DMD: variants seen among roughly 807,000 people sequenced by gnomAD.
The protein encoded by DMD is mutant dystrophin.
Under a neutral mutation model 330.1 loss-of-function variants are expected in DMD, and 63 were observed. The ratio of observed to expected loss-of-function variants is 0.19; its 90% CI spans 0.16 to 0.24. The LOEUF is 0.24. Ranked by LOEUF, DMD falls within the 10% of genes least tolerant of loss-of-function variation. The probability of loss-of-function intolerance (pLI) is 1.00; values close to 1 mark genes in which losing one functional copy is unlikely to be tolerated. For missense variants in DMD, 3,344 were observed against 2,684.1 expected, an observed-to-expected ratio of 1.25 and a Z score of -5.43; for synonymous variants, 1,223 against 959.8, an observed-to-expected ratio of 1.27 and a Z score of -5.07.
At chrX:33,206,621 T>C (rs753395737) in intron 1 of DMD, among the ~76,000 whole-genome samples, 1 of 112,023 alleles carries the variant, frequency 8.9e-6, no homozygotes, top group Admixed American at 9.5e-5. Flanking sequence ...CAAAGTCACC[T>C]TCAGAGGTTG....
intron 1 of DMD, among the ~76,000 whole-genome samples, chrX:33,059,763 GAA>G (rs1358167643): frequency 8.9e-6 from 1 of 112,015 alleles, no homozygotes; most frequent in Non-Finnish European, 1.9e-5. Flanking sequence ...TTATAGAATA[GAA>G]AAAGTCTTAC....
intron 60 of DMD, among the ~76,000 whole-genome samples, chrX:31,419,902 C>T (rs769238629): frequency 1.1e-3 from 120 of 111,653 alleles, no homozygotes; most frequent in African/African-American, 3.7e-3. Context: ...GATACGAGAG[C>T]GGGATGTATT....
At chrX:33,334,107 T>G (rs1002550299) in intron 1 of DMD, among the ~76,000 whole-genome samples, 2 of 111,444 alleles carry the variant, frequency 1.8e-5, no homozygotes, top group Non-Finnish European at 3.8e-5. Context: ...ATAGGTAAAT[T>G]CAGCAAGATT....
chrX:31,165,029 A>G (rs1357344384), intron 74 of DMD, among the ~76,000 whole-genome samples: 1 of 111,701 alleles, frequency 9.0e-6, no homozygotes, highest in Non-Finnish European at 1.9e-5. Flanking sequence ...TCTTTTCACC[A>G]TCATTGGAGA....
At chrX:31,696,659 A>AAAT (rs1309348131) in intron 52 of DMD, among the ~76,000 whole-genome samples, 6 of 112,430 alleles carry the variant, frequency 5.3e-5, no homozygotes, top group Non-Finnish European at 1.1e-4. Flanking sequence ...TTGATTTGTG[A>AAAT]AATATATTCT....
At chrX:32,019,978 G>A (rs1569532757) in intron 44 of DMD, among the ~76,000 whole-genome samples, 1 of 112,427 alleles carries the variant, frequency 8.9e-6, no homozygotes, top group Non-Finnish European at 1.9e-5. Context: ...TTTTGCAAAT[G>A]TTCATTTTGC....
At chrX:31,477,972 G>C in intron 59 of DMD, 134 bp downstream of exon 59, 3 of 683,156 alleles carry the variant, frequency 4.4e-6, no homozygotes, top group Non-Finnish European at 6.6e-6. Context: ...CCATGTGAAT[G>C]AAGACTGAAT....
chrX:31,846,274 C>T (rs2093424270), intron 48 of DMD, among the ~76,000 whole-genome samples: 1 of 110,775 alleles, frequency 9.0e-6, no homozygotes, highest in Admixed American at 9.7e-5. Context: ...AATACTAGCT[C>T]GTGGTCCCCC....
intron 44 of DMD, among the ~76,000 whole-genome samples, chrX:32,139,896 G>A (rs2147040531): frequency 8.9e-6 from 1 of 112,345 alleles, no homozygotes; most frequent in Non-Finnish European, 1.9e-5. Context: ...AAAATGTCTG[G>A]CTAATTCCTA....
At chrX:32,834,417 A>G (rs769162809) in intron 4 of DMD, among the ~76,000 whole-genome samples, 2 of 112,054 alleles carry the variant, frequency 1.8e-5, no homozygotes, top group South Asian at 3.7e-4. Flanking sequence ...TACTTAAAGG[A>G]CACATAAAAT....
At chrX:31,283,898 T>C (rs1424141850) in intron 62 of DMD, among the ~76,000 whole-genome samples, 1 of 111,605 alleles carries the variant, frequency 9.0e-6, no homozygotes. Context: ...ATACTTCTGC[T>C]CCAACCCAGA....
chrX:32,745,591 A>G (rs1162487192), intron 7 of DMD, among the ~76,000 whole-genome samples: 1 of 112,483 alleles, frequency 8.9e-6, no homozygotes, highest in African/African-American at 3.2e-5. Context: ...CACTCCTTCA[A>G]TGCAATGAAT....
intron 2 of DMD, among the ~76,000 whole-genome samples, chrX:32,859,383 G>T (rs779470907): frequency 9.3e-6 from 1 of 107,494 alleles, no homozygotes; most frequent in East Asian, 3.0e-4. Flanking sequence ...CAGGAGAATC[G>T]CTAGAACTAG....
At chrX:32,027,800 T>C (rs1470951116) in intron 44 of DMD, among the ~76,000 whole-genome samples, 1 of 112,572 alleles carries the variant, frequency 8.9e-6, no homozygotes, top group Admixed American at 9.4e-5. Flanking sequence ...AATGTCCTTC[T>C]TGACACAACA....
intron 63 of DMD, among the ~76,000 whole-genome samples, chrX:31,253,951 T>C (rs754077389): frequency 8.9e-6 from 1 of 112,301 alleles, no homozygotes; most frequent in Non-Finnish European, 1.9e-5. Context: ...AGCATCATGC[T>C]GGATAGTAGG....
At chrX:31,918,623 CT>C (rs10706815) in intron 47 of DMD, among the ~76,000 whole-genome samples, 37,548 of 107,791 alleles carry the variant, frequency 0.35, 5,459 homozygotes, top group African/African-American at 0.51. Flanking sequence ...ATGTCAACAT[CT>C]TTTTTTTTAA....
intron 2 of DMD, among the ~76,000 whole-genome samples, chrX:32,874,003 C>A (rs2083194944): frequency 8.9e-6 from 1 of 111,737 alleles, no homozygotes; most frequent in Non-Finnish European, 1.9e-5. Flanking sequence ...CGTGTGAGGT[C>A]TAGGATAGCG....
intron 7 of DMD, among the ~76,000 whole-genome samples, chrX:32,730,589 A>C (rs1027710277): frequency 1.8e-5 from 2 of 112,202 alleles, no homozygotes; most frequent in African/African-American, 6.5e-5. Flanking sequence ...CCCTAGGAAT[A>C]AGCTTAAAGT....
At chrX:32,493,851 G>T (rs970542635) in intron 19 of DMD, among the ~76,000 whole-genome samples, 7 of 111,272 alleles carry the variant, frequency 6.3e-5, no homozygotes, top group African/African-American at 2.3e-4. Flanking sequence ...TGAACAAGCA[G>T]TTAGAAGTCC....
Sources: allele counts gnomAD v4.1 joint callset (sites outside exome capture counted in the v4.1 genomes callset), GRCh38; gene constraint gnomAD v4.1.1; transcripts MANE v1.5; gene names NCBI Gene and HGNC (gene_info 2026-07-23, HGNC 2026-07-21).